Variants in TTI1 observed in about 807,000 individuals in gnomAD.
TTI1 encodes TELO2 interacting protein 1, also known as TELO2-interacting protein 1 homolog.
Under a neutral mutation model 85.4 loss-of-function variants are expected in TTI1, and 52 were observed. The ratio of observed to expected loss-of-function variants is 0.61; its 90% CI spans 0.49 to 0.77. The LOEUF (loss-of-function observed/expected upper bound fraction) is 0.77, where lower values mean the gene tolerates loss of function less well. Ranked by LOEUF, TTI1 falls within the 30% of genes least tolerant of loss-of-function variation. The pLI is 0.00. For synonymous variants in TTI1, 512 were observed against 503.9 expected (o/e 1.02, Z -0.22); for missense variants, 1,173 against 1,296.0 (o/e 0.91, Z 1.46).
chr20:38,002,855 T>G, intron 3 of TTI1, 79 bp from the exon 4 acceptor site: 1 of 1,580,266 alleles, frequency 6.3e-7, no homozygotes. Flanking sequence ...CTTTATAAAT[T>G]ACTCAGTCTT....
intron 3 of TTI1, among the ~76,000 whole-genome samples, chr20:38,004,981 G>A (rs759830405): frequency 2.6e-5 from 4 of 152,080 alleles, no homozygotes; most frequent in Non-Finnish European, 5.9e-5. Flanking sequence ...CTCTGTCCTC[G>A]GGGAGAGCAA....
At chr20:38,019,450 T>C (rs987472911) in intron 1 of TTI1, among the ~76,000 whole-genome samples, 3 of 152,096 alleles carry the variant, frequency 2.0e-5, no homozygotes, top group Non-Finnish European at 2.9e-5. Context: ...AGTCTAGTAG[T>C]GTAATGAAGT....
chr20:37,996,724 T>C (rs763875977), intron 6 of TTI1, 25 bp downstream of exon 6: 2 of 1,585,538 alleles, frequency 1.3e-6, no homozygotes. Context: ...GTGTGTGTGT[T>C]CAGGTGGAAC....
rs2073591481 is a variant in TTI1 at position 38,011,669 on chromosome 20, T to C, written c.2148A>G (p.Pro716=). The C allele has an allele frequency of 1.9e-6, 3 of 1,614,056 alleles. No homozygotes were observed. The African/African-American group carries it at 4.0e-5, about 22-fold the overall frequency. Residue 716 remains proline (P), a synonymous_variant, in exon 2 of 8, where the codon CCA becomes CCG. Transcript: ENST00000373447. The part of the protein sequence containing the change: ...LRHLALHPHT[P]KVLEVMLRNS... ...TCCGCAGCATGACTTCCAGGACCTT[T>C]GGGGTATGAGGATGCAGAGCCAGAT...
At chr20:37,996,108 G>C (rs1175798109) in intron 7 of TTI1, among the ~76,000 whole-genome samples, 1 of 152,176 alleles carries the variant, frequency 6.6e-6, no homozygotes, top group African/African-American at 2.4e-5. Flanking sequence ...CAACCAGGAG[G>C]GTGCTGAGTC....
intron 6 of TTI1, 51 bp downstream of exon 6, chr20:37,996,698 G>T (rs748586716): frequency 4.5e-6 from 7 of 1,562,148 alleles, no homozygotes; most frequent in Non-Finnish European, 4.4e-6. Flanking sequence ...GATGGCAGGG[G>T]TGAGACAGAT....
At chr20:38,009,942 C>T (rs1299652230) in intron 2 of TTI1, among the ~76,000 whole-genome samples, 5 of 152,200 alleles carry the variant, frequency 3.3e-5, no homozygotes, top group Non-Finnish European at 2.9e-5. Flanking sequence ...GTCTGTTACA[C>T]TGAGGTGTTT....
At chr20:37,986,456 A>G (rs2073191390) in intron 7 of TTI1, among the ~76,000 whole-genome samples, 1 of 152,266 alleles carries the variant, frequency 6.6e-6, no homozygotes, top group South Asian at 2.1e-4. Context: ...AAACTTGTGC[A>G]AAGTTCACCT....
chr20:38,004,810 T>C (rs1006412003), intron 3 of TTI1, among the ~76,000 whole-genome samples: 1 of 152,246 alleles, frequency 6.6e-6, no homozygotes, highest in African/African-American at 2.4e-5. Flanking sequence ...AGTGCTCAAA[T>C]TTTAAACAAG....
intron 3 of TTI1, 147 bp downstream of exon 3, chr20:38,006,050 A>T: frequency 1.1e-6 from 1 of 911,268 alleles, no homozygotes; most frequent in Non-Finnish European, 1.6e-6. Context: ...GAAAAAGATT[A>T]CACAAAACAG....
intron 1 of TTI1, among the ~76,000 whole-genome samples, chr20:38,022,235 G>A (rs914037404): frequency 6.6e-6 from 1 of 152,186 alleles, no homozygotes. Context: ...CATGTCCTCA[G>A]GGCTCGCTCC....
At chr20:37,991,836 C>A (rs972585998) in intron 7 of TTI1, among the ~76,000 whole-genome samples, 2 of 152,200 alleles carry the variant, frequency 1.3e-5, no homozygotes, top group Non-Finnish European at 2.9e-5. Flanking sequence ...ATTCCAGTCC[C>A]TAGAACAGTA....
In TTI1 at chr20:38,017,702, G is replaced by A. The variant is rs75099264; in HGVS notation, c.-41-3845C>T. On this transcript the variant is annotated intron_variant, in intron 1 of 7. Transcript: ENST00000373447. ...ACAAAGCTGGAGATTTGATGGACTC[G>A]AAATACTTACTTGGTTGGGGTCTTC... Among the ~76,000 whole-genome samples the A allele has an allele frequency of 9.1e-3, 1,381 of 152,216 alleles. 16 individuals carry two copies. The highest frequency in any genetic ancestry group is 0.03 in the African/African-American group (1,260 of 41,530).
chr20:38,011,795 G>C lies in TTI1; in HGVS notation c.2022C>G (p.Thr674=). The C allele has an allele frequency of 6.2e-7, 1 of 1,614,210 alleles. No homozygotes were observed. The change falls in exon 2 of 8, where the codon ACC becomes ACG. Residue 674 remains threonine, a synonymous_variant. Transcript: ENST00000373447. ...CACAAGCACGGCAAACGTCCATCAT[G>C]GTGCTGGTAGCCACCTGACTAATGA... ...TLLISQVATS[T]MMDVCRACGY... is the part of the protein sequence containing the mutation.
intron 1 of TTI1, among the ~76,000 whole-genome samples, chr20:38,017,639 A>G (rs1442470175): frequency 6.6e-6 from 1 of 152,128 alleles, no homozygotes; most frequent in African/African-American, 2.4e-5. Flanking sequence ...GCTGAAGACA[A>G]CCCAGTAGAG....
At chr20:38,029,317 G>A (rs1423151735) in intron 1 of TTI1, among the ~76,000 whole-genome samples, 1 of 152,000 alleles carries the variant, frequency 6.6e-6, no homozygotes, top group Non-Finnish European at 1.5e-5. Context: ...GCCATGCTGA[G>A]ATGTAAATTA....
At chr20:38,032,594 TTTTG>T (rs1236263656) in intron 1 of TTI1, among the ~76,000 whole-genome samples, 13 of 152,232 alleles carry the variant, frequency 8.5e-5, no homozygotes, top group African/African-American at 2.9e-4. Context: ...TAGTGTTTTG[TTTTG>T]TTTCAGAGAA....
intron 1 of TTI1, among the ~76,000 whole-genome samples, chr20:38,022,182 G>A (rs1335614670): frequency 6.6e-6 from 1 of 152,208 alleles, no homozygotes; most frequent in African/African-American, 2.4e-5. Context: ...CCATTCAGAT[G>A]AAATCATTTG....
intron 1 of TTI1, among the ~76,000 whole-genome samples, chr20:38,025,534 A>T (rs1473636503): frequency 6.6e-6 from 1 of 151,762 alleles, no homozygotes; most frequent in Non-Finnish European, 1.5e-5. Flanking sequence ...GTGGCATGGC[A>T]CTCCAGCCTG....
Sources: allele counts gnomAD v4.1 joint callset (sites outside exome capture counted in the v4.1 genomes callset), GRCh38; gene constraint gnomAD v4.1.1; transcripts MANE v1.5; gene names NCBI Gene and HGNC (gene_info 2026-07-23, HGNC 2026-07-21).